SCARB1: variants seen among roughly 807,000 people sequenced by gnomAD.
The protein encoded by SCARB1 is scavenger receptor class B member 1.
Under a neutral mutation model 57.2 loss-of-function variants are expected in SCARB1, and 30 were observed. The ratio of observed to expected loss-of-function variants is 0.52; its 90% CI spans 0.39 to 0.71. The LOEUF is 0.71. SCARB1 is among the 30% of genes least tolerant of loss of function. The pLI, the probability that SCARB1 is intolerant of heterozygous loss-of-function variation, is 0.00. For missense variants in SCARB1, 543 were observed against 671.2 expected (o/e 0.81, Z 2.11); for synonymous variants, 249 against 268.3 (o/e 0.93, Z 0.70).
intron 1 of SCARB1, among the ~76,000 whole-genome samples, chr12:124,827,079 T>G (rs570540294): frequency 4.7e-4 from 72 of 152,300 alleles, no homozygotes; most frequent in African/African-American, 1.7e-3. Flanking sequence ...CTGGCCCCTG[T>G]GTTCTCTCTG....
chr12:124,811,157 T>C (rs1470966353), intron 5 of SCARB1, among the ~76,000 whole-genome samples: 3 of 152,236 alleles, frequency 2.0e-5, no homozygotes, highest in African/African-American at 7.2e-5. Flanking sequence ...TAAAAATGGA[T>C]GGGAAGAATA....
chr12:124,843,291 G>C lies in SCARB1; in HGVS notation c.126+20304C>G, dbSNP rs960767515. Reference sequence around the variant, plus strand: ...TTTGTTTCTTACTTTCTGTGGAGATGGGGGGGGGGGTCTTACTATGTTACC... The same window carrying C: ...TTTGTTTCTTACTTTCTGTGGAGATCGGGGGGGGGGTCTTACTATGTTACC... On this transcript the variant is annotated intron_variant, in intron 1 of 12. Transcript: ENST00000261693. Among the ~76,000 whole-genome samples the C allele has an allele frequency of 1.6e-4, 3 of 19,022 alleles. 1 individual carries two copies. The highest frequency in any genetic ancestry group is 5.5e-4 in the African/African-American group (3 of 5,460). The allele number at this position is 19,022 out of a possible 152,430, so 12.5% of individuals were successfully genotyped here.
At chr12:124,779,564 A>C (rs1873023522) in intron 12 of SCARB1, among the ~76,000 whole-genome samples, 1 of 152,152 alleles carries the variant, frequency 6.6e-6, no homozygotes, top group Non-Finnish European at 1.5e-5. Context: ...AGCTGTCAGC[A>C]ATGGCTGCGT....
chr12:124,830,633 C>G (rs974213403), intron 1 of SCARB1, among the ~76,000 whole-genome samples: 6 of 151,610 alleles, frequency 4.0e-5, no homozygotes, highest in African/African-American at 1.5e-4. Flanking sequence ...GTGGGGGCAG[C>G]AGGACCTCAG....
Position 124,807,783 on chromosome 12 carries a change from C to A in SCARB1, c.987G>T (p.Gln329His). 2 of 1,614,162 alleles carry A rather than the reference C, an allele frequency of 1.2e-6. No individual in the cohort carries two copies. Among genetic ancestry groups the A allele is most frequent in the Non-Finnish European group, 1.7e-6 (2 of 1,180,034 alleles). Residue 329 changes from glutamine (Q) to histidine (H), a missense_variant, in exon 7 of 13, where the codon CAG becomes CAT. Gln to His is a conservative substitution (Grantham distance 24). Coordinates refer to ENST00000261693, the MANE Select transcript of SCARB1 (RefSeq NM_005505.5). This position sits in a 1 kb window ranked among gnomAD's most constrained non-coding sequence, Gnocchi z 5.3. ...TACTGAACCTGCAGGTGCTGACGTT[C>A]TGAATTCCAGACTCCAGGCACGGGC... ...GFCPCLESGI[Q>H]NVSTCRFSAP...
chr12:124,819,139 A>AG (rs1423077370), intron 1 of SCARB1, among the ~76,000 whole-genome samples: 2 of 151,832 alleles, frequency 1.3e-5, no homozygotes, highest in Admixed American at 6.6e-5. Context: ...TAAAAAAAAA[A>AG]AAAAGAAAAG....
At chr12:124,818,088 C>T (rs955618250) in intron 1 of SCARB1, among the ~76,000 whole-genome samples, 1 of 152,160 alleles carries the variant, frequency 6.6e-6, no homozygotes, top group African/African-American at 2.4e-5. Context: ...CCAGGGGGAT[C>T]ATTCATTCAT....
chr12:124,779,488 G>C (rs1230352162), intron 12 of SCARB1, among the ~76,000 whole-genome samples: 2 of 152,144 alleles, frequency 1.3e-5, no homozygotes, highest in African/African-American at 2.4e-5. Flanking sequence ...TGGGGAGGGG[G>C]ACGAGGGCCA....
rs970036774 is a variant in SCARB1 at position 124,817,380 on chromosome 12, C to A, written c.284+170G>T. On this transcript the variant is annotated intron_variant, in intron 2 of 12. Transcript: ENST00000261693. The surrounding 1 kb of genome is among the most constrained non-coding windows in gnomAD (Gnocchi z 4.8). ...AAAAAAAAAAAAAAAAAAAAAAAAA[C>A]CCTAAAACAAAAACTTCTCTGGGAC... 2.0e-3 allele frequency among the ~76,000 whole-genome samples: 274 copies of A among 137,608 alleles called. 2 individuals are homozygous for A. Among genetic ancestry groups the A allele is most frequent in the African/African-American group, 7.2e-3 (254 of 35,364 alleles). 90.3% of individuals were successfully genotyped at this position (137,608 alleles called of 152,430 possible).
At chr12:124,805,937 T>C (rs1349073416) in intron 7 of SCARB1, among the ~76,000 whole-genome samples, 2 of 152,108 alleles carry the variant, frequency 1.3e-5, no homozygotes, top group Non-Finnish European at 2.9e-5. Flanking sequence ...GATGGAAATG[T>C]TCTCTATCTG....
At chr12:124,824,279 G>A (rs1334144715) in intron 1 of SCARB1, among the ~76,000 whole-genome samples, 1 of 152,098 alleles carries the variant, frequency 6.6e-6, no homozygotes, top group Admixed American at 6.6e-5. Flanking sequence ...TGGAGTGAAA[G>A]AAGCCAGTCA....
At chr12:124,786,329 C>T (rs1349238970) in intron 11 of SCARB1, 28 bp downstream of exon 11, 1 of 1,612,364 alleles carries the variant, frequency 6.2e-7, no homozygotes, top group South Asian at 1.1e-5. Flanking sequence ...TGGCTGTCAG[C>T]CCGGGCTGCC....
intron 1 of SCARB1, among the ~76,000 whole-genome samples, chr12:124,834,541 T>G (rs1951547547): frequency 6.6e-6 from 1 of 152,232 alleles, no homozygotes; most frequent in African/African-American, 2.4e-5. Flanking sequence ...ACTGTGGTCA[T>G]GCTTGGGGAT....
At chr12:124,838,693 C>T (rs1355652219) in intron 1 of SCARB1, among the ~76,000 whole-genome samples, 5 of 151,822 alleles carry the variant, frequency 3.3e-5, no homozygotes, top group African/African-American at 4.8e-5. Flanking sequence ...CAGGAGGGGC[C>T]GGTACCATTT....
intron 4 of SCARB1, among the ~76,000 whole-genome samples, chr12:124,813,516 T>C (rs566924711): frequency 2.7e-4 from 41 of 152,360 alleles, no homozygotes; most frequent in African/African-American, 6.5e-4. Flanking sequence ...CAGTCAAACG[T>C]AGATTATACT....
intron 8 of SCARB1, among the ~76,000 whole-genome samples, chr12:124,799,829 C>G (rs1437855845): frequency 6.6e-6 from 1 of 152,234 alleles, no homozygotes; most frequent in Non-Finnish European, 1.5e-5. Flanking sequence ...TATCTTGACA[C>G]ATCCAGAGGG....
chr12:124,793,534 A>G (rs947040531), intron 9 of SCARB1, among the ~76,000 whole-genome samples: 1 of 152,132 alleles, frequency 6.6e-6, no homozygotes, highest in African/African-American at 2.4e-5. Context: ...TCTACTAAAA[A>G]TACAAAAAAT....
chr12:124,814,041 T>A lies in SCARB1; in HGVS notation c.630+161A>T, dbSNP rs1950608407. On this transcript the variant is annotated intron_variant, in intron 4 of 12. Coordinates refer to ENST00000261693, the MANE Select transcript of SCARB1 (RefSeq NM_005505.5). The surrounding 1 kb of genome is among the most constrained non-coding windows in gnomAD (Gnocchi z 4.7). The stretch of plus-strand genomic sequence containing the variant: ...TTCTATGAGCCCCAACATTCCCCAT[T>A]TCACTCAAGCCGGTTTGAGTCAGGT... Among the ~76,000 whole-genome samples, 1 of 152,106 alleles carries A rather than the reference T, an allele frequency of 6.6e-6. No homozygotes were observed. Among genetic ancestry groups the A allele is most frequent in the South Asian group, 2.1e-4 (1 of 4,824 alleles).
intron 2 of SCARB1, among the ~76,000 whole-genome samples, chr12:124,815,423 G>A (rs1950674320): frequency 6.6e-6 from 1 of 152,200 alleles, no homozygotes; most frequent in Admixed American, 6.5e-5. Context: ...TGGGGATTAA[G>A]CAATCAGATA....
Sources: allele counts gnomAD v4.1 joint callset (sites outside exome capture counted in the v4.1 genomes callset), GRCh38; gene constraint gnomAD v4.1.1; non-coding constraint Gnocchi (gnomAD v3.1); transcripts MANE v1.5; gene names NCBI Gene and HGNC (gene_info 2026-07-23, HGNC 2026-07-21).